MYO3A: variants seen among roughly 807,000 people sequenced by gnomAD.
The protein encoded by MYO3A is myosin IIIA, also known as myosin-IIIa.
In MYO3A, 180 loss-of-function variants were observed where a neutral mutation model predicts 192.7. The observed-to-expected ratio is 0.93, with a 90% CI of 0.83 to 1.06. The LOEUF (loss-of-function observed/expected upper bound fraction) is 1.06. Among genes scored for constraint, MYO3A ranks in the 50% least tolerant of loss-of-function variants. The pLI is 0.00. For synonymous variants in MYO3A, 628 were observed against 645.3 expected (o/e 0.97, Z 0.41); for missense variants, 1,896 against 1,905.0 (o/e 1.00, Z 0.09).
chr10:25,992,508 T>C lies in MYO3A; in HGVS notation c.304-3982T>C, dbSNP rs1284731084. Among the ~76,000 whole-genome samples, 6 of 152,362 alleles carry C rather than the reference T, an allele frequency of 3.9e-5. No homozygotes were observed. In the East Asian group the frequency reaches 1.2e-3, roughly 29 times the overall value. ...TAATTGAATACCCTTTATTTCTTTC[T>C]CTTGCCTGATTGCCCTGGCCAGAAC... On this transcript the variant is annotated intron_variant, in intron 4 of 34. Coordinates refer to ENST00000642920, the MANE Select transcript of MYO3A (RefSeq NM_017433.5).
intron 4 of MYO3A, among the ~76,000 whole-genome samples, chr10:25,995,724 C>T (rs986688562): frequency 6.6e-6 from 1 of 152,216 alleles, no homozygotes; most frequent in African/African-American, 2.4e-5. Context: ...TTTTAACAGT[C>T]AGGACCCTCA....
intron 10 of MYO3A, among the ~76,000 whole-genome samples, chr10:26,063,704 T>C (rs867091737): frequency 1.3e-5 from 2 of 152,114 alleles, no homozygotes; most frequent in Admixed American, 6.6e-5. Context: ...TTAAGGTGGA[T>C]TGTGAAAAGT....
At chr10:25,989,504 G>A (rs1006874102) in intron 4 of MYO3A, among the ~76,000 whole-genome samples, 6 of 152,042 alleles carry the variant, frequency 3.9e-5, no homozygotes, top group African/African-American at 1.4e-4. Flanking sequence ...CCTGAAAGAA[G>A]TTTTCTCTGA....
chr10:26,081,614 T>C (rs935889300), intron 14 of MYO3A, among the ~76,000 whole-genome samples: 16 of 152,290 alleles, frequency 1.1e-4, no homozygotes, highest in Non-Finnish European at 1.8e-4. Flanking sequence ...AAAGTTCAGC[T>C]AAAGATTTCC....
At chr10:26,002,238 C>T (rs956427521) in intron 6 of MYO3A, among the ~76,000 whole-genome samples, 2 of 152,194 alleles carry the variant, frequency 1.3e-5, no homozygotes, top group African/African-American at 4.8e-5. Context: ...TAGAAACCTT[C>T]CCTCTCCTCT....
chr10:26,062,389 C>T (rs79219565), intron 10 of MYO3A, among the ~76,000 whole-genome samples: 69,628 of 148,644 alleles, frequency 0.47, 17,133 homozygotes, highest in Middle Eastern at 0.59. Context: ...CATGGTAGCG[C>T]GCCTGTAGTC....
chr10:26,036,305 A>G (rs900566482), intron 10 of MYO3A, among the ~76,000 whole-genome samples: 10 of 152,210 alleles, frequency 6.6e-5, no homozygotes, highest in African/African-American at 1.7e-4. Context: ...TAAGATGGGT[A>G]TCTAACTTAT....
intron 2 of MYO3A, among the ~76,000 whole-genome samples, chr10:25,947,521 G>A (rs1361080187): frequency 6.6e-6 from 1 of 151,074 alleles, no homozygotes; most frequent in South Asian, 2.1e-4. Context: ...AGCCTGCTGA[G>A]TAGCTGGGAT....
chr10:26,210,577 A>G (rs1844177980), intron 34 of MYO3A, among the ~76,000 whole-genome samples: 1 of 152,182 alleles, frequency 6.6e-6, no homozygotes, highest in Non-Finnish European at 1.5e-5. Flanking sequence ...AGGCCTTCCT[A>G]CTTTCATCCT....
chr10:26,017,006 T>TAA, intron 7 of MYO3A, 110 bp downstream of exon 7: 1 of 1,166,152 alleles, frequency 8.6e-7, no homozygotes, highest in Non-Finnish European at 1.3e-6. Context: ...GAAGAAACTC[T>TAA]CAGTTGTGTT....
At chr10:26,149,612 T>A (rs539467922) in intron 23 of MYO3A, among the ~76,000 whole-genome samples, 2 of 36,698 alleles carry the variant, frequency 5.4e-5, no homozygotes, top group Admixed American at 2.4e-4. Context: ...TAGATTACCC[T>A]TTTTTTTTGT....
rs1369807651 is a variant in MYO3A at position 26,210,656 on chromosome 10, G to A, written c.4731-1187G>A. Among the ~76,000 whole-genome samples, 5 of 152,330 alleles carry A rather than the reference G, an allele frequency of 3.3e-5. No individual in the cohort carries two copies. In the East Asian group the frequency reaches 7.7e-4, roughly 23 times the overall value. On this transcript the variant is annotated intron_variant, in intron 34 of 34. Transcript: ENST00000642920. Reference sequence around the variant, plus strand: ...TTCAATGTTTCTCTCACTGTGAGGAGAAGTCAAGTCCTTGACATGGTCTCA... The same window carrying A: ...TTCAATGTTTCTCTCACTGTGAGGAAAAGTCAAGTCCTTGACATGGTCTCA...
At chr10:26,049,832 C>T (rs1386223450) in intron 10 of MYO3A, among the ~76,000 whole-genome samples, 6 of 151,732 alleles carry the variant, frequency 4.0e-5, no homozygotes, top group South Asian at 2.1e-4. Context: ...CCCACCACCG[C>T]GCTCAGCTAA....
chr10:26,179,012 A>T (rs535393211), intron 31 of MYO3A, among the ~76,000 whole-genome samples: 52 of 149,004 alleles, frequency 3.5e-4, no homozygotes, highest in African/African-American at 1.3e-3. Flanking sequence ...CATGTTAGCC[A>T]GGGTGGTCTC....
intron 10 of MYO3A, among the ~76,000 whole-genome samples, chr10:26,052,341 C>T (rs1051713763): frequency 4.6e-5 from 7 of 152,138 alleles, no homozygotes; most frequent in African/African-American, 1.7e-4. Context: ...AGAAAAGTCT[C>T]CAGGAATGAA....
chr10:26,008,190 C>T lies in MYO3A; in HGVS notation c.509-8630C>T, dbSNP rs552568464. Among the ~76,000 whole-genome samples the T allele has an allele frequency of 1.5e-3, 225 of 147,900 alleles. 25 individuals carry two copies. The highest frequency in any genetic ancestry group is 5.5e-3 in the African/African-American group (211 of 38,086). On this transcript the variant is annotated intron_variant, in intron 6 of 34. Transcript: ENST00000642920. ...AAACTGGCTAGTCATATGTAGAAAG[C>T]TGAAACTGGATCCCTTCCTTACACC... is the stretch of plus-strand genomic sequence containing the variant.
At chr10:25,995,022 C>A (rs537246526) in intron 4 of MYO3A, among the ~76,000 whole-genome samples, 13 of 152,046 alleles carry the variant, frequency 8.6e-5, no homozygotes, top group African/African-American at 2.2e-4. Flanking sequence ...ATCTTTGTGG[C>A]GTTCTCTGTA....
intron 4 of MYO3A, among the ~76,000 whole-genome samples, chr10:25,980,443 G>C (rs1839259459): frequency 6.6e-6 from 1 of 152,060 alleles, no homozygotes; most frequent in Admixed American, 6.6e-5. Context: ...ATAAATACTT[G>C]TTGATTTTAA....
chr10:26,200,751 T>C (rs991504158), intron 32 of MYO3A: 4 of 152,270 alleles, frequency 2.6e-5, no homozygotes, highest in Admixed American at 6.5e-5. Flanking sequence ...TCTGTGCTGC[T>C]ACATTTATGT....
Sources: gnomAD v4.1 joint callset for allele counts (sites outside exome capture counted in the v4.1 genomes callset) on GRCh38, gnomAD v4.1.1 for gene constraint, MANE v1.5 for transcripts, NCBI Gene and HGNC (gene_info 2026-07-23, HGNC 2026-07-21) for gene names.